The following NXPE4 variants were observed in gnomAD, a reference collection of about 807,000 sequenced individuals.
NXPE4 encodes NXPE family member 4.
NXPE4 carries 42 observed loss-of-function variants against 33.3 expected under a neutral mutation model. The ratio of observed to expected loss-of-function variants is 1.26; its 90% CI spans 0.98 to 1.63. The LOEUF is 1.63. NXPE4 is among the 40% of genes most tolerant of loss of function. NXPE4 has a pLI of 0.00. For missense variants in NXPE4, 709 were observed against 647.6 expected (o/e 1.09, Z -1.03); for synonymous variants, 253 against 234.9 (o/e 1.08, Z -0.71).
the NXPE4 span, among the ~76,000 whole-genome samples, chr11:114,652,314 C>T: frequency 4.1e-3 from 627 of 152,266 alleles, 2 homozygotes; most frequent in Middle Eastern, 6.8e-3. Flanking sequence ...TCCTTCCTAC[C>T]CCTTTGGAAA....
chr11:114,629,392 G>C, the NXPE4 span, among the ~76,000 whole-genome samples: 1 of 151,860 alleles, frequency 6.6e-6, no homozygotes, highest in Non-Finnish European at 1.5e-5. Context: ...ATGTAATCCA[G>C]CATATAAACA....
chr11:114,641,129 A>G, the NXPE4 span, among the ~76,000 whole-genome samples: 1 of 152,072 alleles, frequency 6.6e-6, no homozygotes, highest in African/African-American at 2.4e-5. Flanking sequence ...GCACGAGTAG[A>G]ATGTATACAA....
At chr11:114,636,409 A>C in the NXPE4 span, among the ~76,000 whole-genome samples, 2 of 151,850 alleles carry the variant, frequency 1.3e-5, no homozygotes. Flanking sequence ...CTTTCAAAAA[A>C]CCAGCTCCTG....
At position 114,582,974 on chromosome 11, in the gene NXPE4, G is replaced by T; in HGVS notation, c.144C>A (p.Asn48Lys). 1.9e-6 allele frequency: 3 copies of T among 1,613,960 alleles called. No homozygotes were observed. In the South Asian group the frequency reaches 3.3e-5, roughly 18 times the overall value. The change falls in exon 3 of 6, where the codon AAC becomes AAA. Residue 48 changes from asparagine to lysine, a missense_variant. Coordinates refer to ENST00000375478, the MANE Select transcript of NXPE4 (RefSeq NM_001077639.2). ...TTTTAGGGAATAAGGACTTTGTGGA[G>T]TTGTTCCAGTAATGGAGGGAGATGG... ...NLSISLHYWN[N>K]STKSLFPKTP...
the NXPE4 span, among the ~76,000 whole-genome samples, chr11:114,620,253 C>T: frequency 6.6e-6 from 1 of 152,088 alleles, no homozygotes; most frequent in Non-Finnish European, 1.5e-5. Flanking sequence ...TAATTATTGC[C>T]TCGTGGGTAA....
chr11:114,601,412 A>C, the NXPE4 span, among the ~76,000 whole-genome samples: 1 of 137,924 alleles, frequency 7.3e-6, no homozygotes, highest in East Asian at 2.0e-4. Flanking sequence ...TTGCTGCAAA[A>C]GATGTAATTT....
chr11:114,639,468 C>A, the NXPE4 span, among the ~76,000 whole-genome samples: 1 of 151,496 alleles, frequency 6.6e-6, no homozygotes. Context: ...CGCTGCGCTG[C>A]CCCCACTGTC....
the NXPE4 span, among the ~76,000 whole-genome samples, chr11:114,628,901 C>G: frequency 6.6e-5 from 10 of 151,940 alleles, no homozygotes; most frequent in Admixed American, 6.6e-4. Context: ...CACCTCTATG[C>G]AAATAAACTA....
At chr11:114,583,140 G>A in intron 2 of NXPE4, 119 bp from the exon 3 acceptor site, 1 of 1,098,566 alleles carries the variant, frequency 9.1e-7, no homozygotes, top group Non-Finnish European at 1.3e-6. Context: ...TACTTATTGT[G>A]ATTTTGAATA....
chr11:114,639,384 A>G, the NXPE4 span, among the ~76,000 whole-genome samples: 1 of 151,840 alleles, frequency 6.6e-6, no homozygotes, highest in East Asian at 1.9e-4. Context: ...CCTTTCTTTG[A>G]TTAGGAAAGG....
the NXPE4 span, among the ~76,000 whole-genome samples, chr11:114,648,483 G>T: frequency 3.3e-5 from 5 of 152,162 alleles, no homozygotes; most frequent in Non-Finnish European, 1.5e-5. Context: ...CATTGGGGAG[G>T]ACAATTTGCT....
the NXPE4 span, among the ~76,000 whole-genome samples, chr11:114,629,033 G>T: frequency 6.6e-6 from 1 of 152,140 alleles, no homozygotes; most frequent in East Asian, 1.9e-4. Context: ...ATAATCAATA[G>T]CTTACCAATG....
At chr11:114,646,355 G>C in the NXPE4 span, among the ~76,000 whole-genome samples, 1 of 151,192 alleles carries the variant, frequency 6.6e-6, no homozygotes, top group Non-Finnish European at 1.5e-5. Context: ...GTTCTTTTCT[G>C]TATCTATTAA....
the NXPE4 span, among the ~76,000 whole-genome samples, chr11:114,607,180 C>T: frequency 2.6e-5 from 4 of 151,610 alleles, no homozygotes; most frequent in Non-Finnish European, 4.4e-5. Context: ...AGTGTTGCAT[C>T]GTGGGTGACA....
At chr11:114,652,276 G>A in the NXPE4 span, among the ~76,000 whole-genome samples, 1 of 152,156 alleles carries the variant, frequency 6.6e-6, no homozygotes, top group Non-Finnish European at 1.5e-5. Flanking sequence ...CATCTGGAAG[G>A]GGAAATGATG....
chr11:114,659,433 C>CA, the NXPE4 span, among the ~76,000 whole-genome samples: 20,759 of 146,796 alleles, frequency 0.14, 1,841 homozygotes, highest in South Asian at 0.2. Context: ...TTCTGTTAAA[C>CA]AAAAAAAAGA....
intron 5 of NXPE4, among the ~76,000 whole-genome samples, chr11:114,574,406 G>T (rs1177979708): frequency 6.6e-6 from 1 of 151,776 alleles, no homozygotes; most frequent in African/African-American, 2.4e-5. Context: ...AAAAATAAAT[G>T]AAACAAAAAG....
chr11:114,637,318 A>T, the NXPE4 span, among the ~76,000 whole-genome samples: 1 of 151,714 alleles, frequency 6.6e-6, no homozygotes, highest in African/African-American at 2.4e-5. Context: ...TTTGCTTGGT[A>T]GATCTTCCTC....
upstream of NXPE4, among the ~76,000 whole-genome samples, chr11:114,598,847 T>C (rs1949607579): frequency 2.0e-5 from 3 of 149,120 alleles, no homozygotes; most frequent in African/African-American, 7.4e-5. Flanking sequence ...CTTCTCCCCA[T>C]TGTCTCCACC....
Sources: allele counts gnomAD v4.1 joint callset (sites outside exome capture counted in the v4.1 genomes callset), GRCh38; gene constraint gnomAD v4.1.1; transcripts MANE v1.5; gene names NCBI Gene and HGNC (gene_info 2026-07-23, HGNC 2026-07-21).